SORBS2: variants seen among roughly 807,000 people sequenced by gnomAD.
The protein encoded by SORBS2 is sorbin and SH3 domain-containing protein 2.
A neutral mutation model predicts 97.7 loss-of-function variants in SORBS2; 46 were observed. The observed-to-expected ratio is 0.47, with a 90% CI of 0.37 to 0.60. The LOEUF is 0.60. SORBS2 is among the 20% of genes least tolerant of loss of function. The pLI is 0.00. For synonymous variants in SORBS2, 476 were observed against 473.4 expected (o/e 1.01, Z -0.07); for missense variants, 1,316 against 1,282.3 (o/e 1.03, Z -0.40).
At chr4:185,879,915 A>G (rs1476877459) in intron 1 of SORBS2, among the ~76,000 whole-genome samples, 1 of 152,172 alleles carries the variant, frequency 6.6e-6, no homozygotes, top group Non-Finnish European at 1.5e-5. Context: ...GGGACCTTCT[A>G]CGAGAGCCAC....
chr4:185,849,436 G>A (rs924312918), intron 1 of SORBS2, among the ~76,000 whole-genome samples: 35 of 150,930 alleles, frequency 2.3e-4, no homozygotes, highest in African/African-American at 8.5e-4. Flanking sequence ...GTCACAAACT[G>A]GGTTAGATTG....
intron 2 of SORBS2, among the ~76,000 whole-genome samples, chr4:185,733,141 C>T (rs1261678963): frequency 6.6e-6 from 1 of 152,232 alleles, no homozygotes; most frequent in Non-Finnish European, 1.5e-5. Context: ...CACTTTGTTG[C>T]AGCGCTCTAG....
At chr4:185,928,336 T>A (rs1426561264) in intron 1 of SORBS2, among the ~76,000 whole-genome samples, 1 of 152,070 alleles carries the variant, frequency 6.6e-6, no homozygotes, top group Non-Finnish European at 1.5e-5. Flanking sequence ...CCCAGGAGTC[T>A]GAGGCTGCAG....
chr4:185,603,981 G>C (rs972332601), intron 12 of SORBS2, among the ~76,000 whole-genome samples: 1 of 152,116 alleles, frequency 6.6e-6, no homozygotes, highest in African/African-American at 2.4e-5. Context: ...TGAACCTGCC[G>C]ATCGGTGGGA....
intron 1 of SORBS2, among the ~76,000 whole-genome samples, chr4:185,792,537 G>A (rs1417272650): frequency 1.3e-5 from 2 of 151,236 alleles, no homozygotes; most frequent in Admixed American, 6.6e-5. Flanking sequence ...GAGGGAGGGA[G>A]GGAAGGAAGG....
Position 185,623,491 on chromosome 4 carries a change from G to A in SORBS2, c.1638C>T (p.His546=), listed in dbSNP as rs759627472. The A allele has an allele frequency of 4.3e-6, 7 of 1,613,608 alleles. No homozygotes were observed. Among genetic ancestry groups the A allele is most frequent in the Admixed American group, 1.7e-5 (1 of 59,996 alleles). Residue 546 remains histidine, a synonymous_variant, in exon 7 of 15, where the codon CAC becomes CAT. Transcript: ENST00000418609. This position sits in a 1 kb window ranked among gnomAD's most constrained non-coding sequence, Gnocchi z 6.4. ...GGTGGTGGTGGTGGTGGTGATGGTGGTGGTGGTGGCTGGATCCGTAAAAGC... is the reference window on the plus strand; with the variant it reads ...GGTGGTGGTGGTGGTGGTGATGGTGATGGTGGTGGCTGGATCCGTAAAAGC...
At chr4:185,955,427 G>C (rs2099279082) in intron 1 of SORBS2, among the ~76,000 whole-genome samples, 1 of 152,162 alleles carries the variant, frequency 6.6e-6, no homozygotes, top group Non-Finnish European at 1.5e-5. Context: ...CCCTGTTATA[G>C]CTATTCCTTC....
At chr4:185,660,431 C>T (rs1050634312), upstream of SORBS2, among the ~76,000 whole-genome samples, 5 of 152,148 alleles carry the variant, frequency 3.3e-5, no homozygotes, top group East Asian at 1.9e-4. Flanking sequence ...GGCAAAATTT[C>T]GGCATAAACC....
At chr4:185,873,719 A>C (rs1294814827) in intron 1 of SORBS2, among the ~76,000 whole-genome samples, 1 of 152,214 alleles carries the variant, frequency 6.6e-6, no homozygotes, top group Non-Finnish European at 1.5e-5. Flanking sequence ...CATACTGTCC[A>C]AAACTATAAT....
At chr4:185,927,693 T>G (rs1446874959) in intron 1 of SORBS2, among the ~76,000 whole-genome samples, 1 of 152,222 alleles carries the variant, frequency 6.6e-6, no homozygotes, top group Non-Finnish European at 1.5e-5. Context: ...ATTACCTATA[T>G]TGATGAAATA....
At chr4:185,736,849 T>C (rs186950929) in intron 2 of SORBS2, among the ~76,000 whole-genome samples, 117 of 152,276 alleles carry the variant, frequency 7.7e-4, no homozygotes, top group Non-Finnish European at 1.1e-3. Flanking sequence ...CGATAGTCCA[T>C]AGTTGGGGAG....
chr4:185,949,948 C>A (rs2099276388), intron 1 of SORBS2, among the ~76,000 whole-genome samples: 2 of 152,002 alleles, frequency 1.3e-5, no homozygotes, highest in Non-Finnish European at 2.9e-5. Context: ...CAACTGGTAA[C>A]TGATCCTATC....
Position 185,938,430 on chromosome 4 carries a change from A to ACC in SORBS2, c.-338+17764_-338+17765dup, listed in dbSNP as rs1554055085. Among the ~76,000 whole-genome samples the ACC allele has an allele frequency of 3.3e-3, 464 of 142,058 alleles. 2 individuals carry two copies. The highest frequency in any genetic ancestry group is 0.011 in the African/African-American group (422 of 38,258). The allele number at this position is 142,058 out of a possible 152,430, so 93.2% of individuals were successfully genotyped here. A position where few individuals can be genotyped will look rare whatever the true frequency, so the allele number is the denominator to read the frequency against. On this transcript the variant is annotated intron_variant, in intron 1 of 20. Transcript: ENST00000284776. ...CACACACACACACACACACACACAC[A>ACC]CCCTTTTATTCTAGTTCCATGCTCT...
At chr4:185,661,769 A>C (rs932076981), upstream of SORBS2, among the ~76,000 whole-genome samples, 2 of 152,144 alleles carry the variant, frequency 1.3e-5, no homozygotes, top group Non-Finnish European at 2.9e-5. Flanking sequence ...AGCTCTTCCA[A>C]GTCCGAACAA....
At chr4:185,602,203 T>G (rs2153382822) in intron 12 of SORBS2, among the ~76,000 whole-genome samples, 1 of 152,152 alleles carries the variant, frequency 6.6e-6, no homozygotes, top group African/African-American at 2.4e-5. Flanking sequence ...AGAGACGGGG[T>G]TTCACCATCT....
intron 1 of SORBS2, among the ~76,000 whole-genome samples, chr4:185,872,321 G>A (rs1185843630): frequency 1.3e-5 from 2 of 152,104 alleles, no homozygotes; most frequent in African/African-American, 2.4e-5. Flanking sequence ...ATCTAATCTG[G>A]GTCATTCCTC....
intron 1 of SORBS2, among the ~76,000 whole-genome samples, chr4:185,925,968 G>A (rs1343349766): frequency 6.6e-6 from 1 of 152,206 alleles, no homozygotes; most frequent in Non-Finnish European, 1.5e-5. Flanking sequence ...TTGATGGAAG[G>A]GAGGAGCGCT....
intron 1 of SORBS2, among the ~76,000 whole-genome samples, chr4:185,895,836 A>C (rs888694241): frequency 1.3e-5 from 2 of 152,236 alleles, no homozygotes; most frequent in Admixed American, 1.3e-4. Context: ...ATTTTCAAAT[A>C]ATTCTGGCCA....
At chr4:185,751,184 A>AAAAAAAAAAAAAAAAAAAAAAAG in intron 2 of SORBS2, among the ~76,000 whole-genome samples, 2 of 142,406 alleles carry the variant, frequency 1.4e-5, no homozygotes, top group African/African-American at 2.6e-5. Flanking sequence ...AAAAAAAAAA[A>AAAAAAAAAAAAAAAAAAAAAAAG]AAAAAAAGAG....
Sources: allele counts gnomAD v4.1 joint callset (sites outside exome capture counted in the v4.1 genomes callset), GRCh38; gene constraint gnomAD v4.1.1; non-coding constraint Gnocchi (gnomAD v3.1); transcripts MANE v1.5; gene names NCBI Gene and HGNC (gene_info 2026-07-23, HGNC 2026-07-21).